SCHIP1: variants seen among roughly 807,000 people sequenced by gnomAD.
The protein encoded by SCHIP1 is schwannomin interacting protein 1.
In SCHIP1, 8 loss-of-function variants were observed where a neutral mutation model predicts 29.7. That is an observed-to-expected ratio of 0.27 (90% CI 0.16 to 0.49). SCHIP1 has a LOEUF of 0.49. SCHIP1 is among the 20% of genes least tolerant of loss of function. SCHIP1 has a pLI of 0.99. For synonymous variants in SCHIP1, 76 were observed against 94.9 expected (o/e 0.80, Z 1.16); for missense variants, 193 against 294.6 (o/e 0.66, Z 2.52).
chr3:159,494,431 G>A, the SCHIP1 span, among the ~76,000 whole-genome samples: 26 of 152,182 alleles, frequency 1.7e-4, no homozygotes, highest in Admixed American at 6.5e-4. Context: ...TATCACCACC[G>A]ATCCCACAGA....
chr3:159,451,816 G>T, the SCHIP1 span, among the ~76,000 whole-genome samples: 75 of 152,260 alleles, frequency 4.9e-4, no homozygotes, highest in African/African-American at 1.6e-3. Flanking sequence ...ATAAAGTGCT[G>T]TGAGAGCTGA....
the SCHIP1 span, among the ~76,000 whole-genome samples, chr3:159,306,278 G>T: frequency 6.6e-6 from 1 of 152,192 alleles, no homozygotes; most frequent in Non-Finnish European, 1.5e-5. Context: ...TTTCTATAGT[G>T]AAATACTCCC....
At chr3:159,754,562 C>T in the SCHIP1 span, among the ~76,000 whole-genome samples, 6 of 152,198 alleles carry the variant, frequency 3.9e-5, no homozygotes, top group African/African-American at 1.2e-4. Flanking sequence ...AAGGCTTGCA[C>T]AAACTTGAAT....
At chr3:159,430,801 A>C in the SCHIP1 span, among the ~76,000 whole-genome samples, 1 of 152,240 alleles carries the variant, frequency 6.6e-6, no homozygotes, top group East Asian at 1.9e-4. Flanking sequence ...AGTGGTCTGC[A>C]AAAGAGTGGA....
chr3:159,430,800 CAA>C, the SCHIP1 span, among the ~76,000 whole-genome samples: 2 of 152,054 alleles, frequency 1.3e-5, no homozygotes, highest in Non-Finnish European at 2.9e-5. Context: ...AAGTGGTCTG[CAA>C]AAGAGTGGAC....
chr3:159,353,246 G>T, the SCHIP1 span, among the ~76,000 whole-genome samples: 1 of 151,888 alleles, frequency 6.6e-6, no homozygotes, highest in Non-Finnish European at 1.5e-5. Context: ...ACACCAACAT[G>T]GCACATGTAT....
At chr3:159,311,685 G>A in the SCHIP1 span, among the ~76,000 whole-genome samples, 1 of 151,866 alleles carries the variant, frequency 6.6e-6, no homozygotes, top group Non-Finnish European at 1.5e-5. Context: ...TTGTATACTT[G>A]CAAAGAAATC....
At chr3:159,517,695 A>G in the SCHIP1 span, among the ~76,000 whole-genome samples, 1 of 152,006 alleles carries the variant, frequency 6.6e-6, no homozygotes, top group South Asian at 2.1e-4. Context: ...ATATATATAT[A>G]TAGTATATAT....
the SCHIP1 span, among the ~76,000 whole-genome samples, chr3:159,497,019 A>G: frequency 6.6e-6 from 1 of 152,110 alleles, no homozygotes; most frequent in African/African-American, 2.4e-5. Context: ...AAAGCCAAAC[A>G]CCACATGTTC....
At chr3:159,801,361 A>G in the SCHIP1 span, among the ~76,000 whole-genome samples, 4 of 152,128 alleles carry the variant, frequency 2.6e-5, no homozygotes, top group African/African-American at 9.6e-5. Context: ...TGTAAGTAAA[A>G]GAAAGAAAGT....
the SCHIP1 span, among the ~76,000 whole-genome samples, chr3:159,396,690 G>A: frequency 4.6e-5 from 7 of 152,120 alleles, no homozygotes; most frequent in Non-Finnish European, 7.3e-5. Flanking sequence ...TGAGAGATCC[G>A]CTGTTAGTCT....
the SCHIP1 span, among the ~76,000 whole-genome samples, chr3:159,790,317 G>T: frequency 6.6e-6 from 1 of 152,230 alleles, no homozygotes; most frequent in Non-Finnish European, 1.5e-5. Flanking sequence ...AGCAGCATTA[G>T]AATGTGTTAA....
chr3:159,656,530 C>T, the SCHIP1 span, among the ~76,000 whole-genome samples: 66 of 152,180 alleles, frequency 4.3e-4, 1 homozygote, highest in South Asian at 0.013. Flanking sequence ...TGTTAGACAT[C>T]CTATACAACG....
the SCHIP1 span, among the ~76,000 whole-genome samples, chr3:159,322,934 C>T: frequency 6.6e-6 from 1 of 152,222 alleles, no homozygotes; most frequent in Non-Finnish European, 1.5e-5. Context: ...AGATTTCTGT[C>T]CGTGACTCCT....
the SCHIP1 span, among the ~76,000 whole-genome samples, chr3:159,312,113 C>G: frequency 6.6e-6 from 1 of 152,114 alleles, no homozygotes; most frequent in Non-Finnish European, 1.5e-5. Context: ...TTTGGTCTTT[C>G]TAGACACGAC....
chr3:159,861,324 T>C lies in SCHIP1; in HGVS notation c.31-4839T>C, dbSNP rs1714041217. Among the ~76,000 whole-genome samples, 3 of 152,248 alleles carry C rather than the reference T, an allele frequency of 2.0e-5. No individual in the cohort carries two copies. The highest frequency in any genetic ancestry group is 1.3e-4 in the Admixed American group (2 of 15,308). ...AGGGTGGAAAGGTCCTGGGGACATA[T>C]TAGATTTGAAGATAGATGATACCTA... is the stretch of plus-strand genomic sequence containing the variant. On this transcript the variant is annotated intron_variant, in intron 1 of 6. Transcript: ENST00000445224. This position sits in a 1 kb window ranked among gnomAD's most constrained non-coding sequence, Gnocchi z 4.1.
At chr3:159,843,155 G>A (rs1050387726) in intron 1 of SCHIP1, among the ~76,000 whole-genome samples, 4 of 151,186 alleles carry the variant, frequency 2.6e-5, no homozygotes, top group Non-Finnish European at 2.9e-5. Flanking sequence ...TGGGATTACA[G>A]GCGCCCGCCA....
At chr3:159,519,635 G>A in the SCHIP1 span, among the ~76,000 whole-genome samples, 1 of 152,084 alleles carries the variant, frequency 6.6e-6, no homozygotes, top group Non-Finnish European at 1.5e-5. Context: ...GTAAACAACA[G>A]TGCATTTCCA....
At chr3:159,871,948 C>T (rs1281916052) in intron 2 of SCHIP1, among the ~76,000 whole-genome samples, 5 of 152,138 alleles carry the variant, frequency 3.3e-5, no homozygotes, top group African/African-American at 1.2e-4. Flanking sequence ...CTTCACTCCC[C>T]TACTTTCAGC....
Sources: gnomAD v4.1 joint callset for allele counts (sites outside exome capture counted in the v4.1 genomes callset) on GRCh38, gnomAD v4.1.1 for gene constraint, Gnocchi (gnomAD v3.1) non-coding constraint, MANE v1.5 for transcripts, NCBI Gene and HGNC (gene_info 2026-07-23, HGNC 2026-07-21) for gene names.